Variants in ANKRD26 observed in about 807,000 individuals in gnomAD.
ANKRD26 encodes the protein ankyrin repeat domain-containing protein 26.
Under a neutral mutation model 208.7 loss-of-function variants are expected in ANKRD26, and 141 were observed. The observed-to-expected ratio is 0.68, with a 90% CI of 0.59 to 0.78. ANKRD26 has a LOEUF of 0.78. ANKRD26 is among the 30% of genes least tolerant of loss of function. The pLI is 0.00. For synonymous variants in ANKRD26, 636 were observed against 660.4 expected (o/e 0.96, Z 0.57); for missense variants, 1,889 against 1,938.7 (o/e 0.97, Z 0.48).
chr10:26,972,130 G>C (rs7094976), downstream of ANKRD26, among the ~76,000 whole-genome samples: 7 of 151,692 alleles, frequency 4.6e-5, no homozygotes, highest in South Asian at 2.1e-4. Flanking sequence ...AGCTACTCGG[G>C]AGGCTGAGGC....
At chr10:27,068,029 A>T (rs1329993) in intron 9 of ANKRD26, among the ~76,000 whole-genome samples, 2,920 of 152,308 alleles carry the variant, frequency 0.019, 159 homozygotes, top group East Asian at 0.16. Context: ...AAAAGAGAAC[A>T]GTAAGTTCCA....
intron 3 of ANKRD26, 70 bp downstream of exon 3, chr10:27,093,279 C>T: frequency 6.9e-7 from 1 of 1,440,206 alleles, no homozygotes; most frequent in African/African-American, 1.4e-5. Context: ...AGAAAACTAA[C>T]CCTTACATAT....
rs1329814777 is a variant in ANKRD26 at position 27,100,336 on chromosome 10, G to A, written c.-10C>T. 1.9e-6 allele frequency: 3 copies of A among 1,605,672 alleles called. No individual in the cohort carries two copies. Among genetic ancestry groups the A allele is most frequent in the Middle Eastern group, 2.2e-4 (1 of 4,620 alleles). ...TAAAAATCTTCTTCATGGCCCAGGCGACCGGGCTTCAGAGACACCTCATGT... is the reference window on the plus strand; with the variant it reads ...TAAAAATCTTCTTCATGGCCCAGGCAACCGGGCTTCAGAGACACCTCATGT... On this transcript the variant is annotated 5_prime_UTR_variant, in exon 1 of 34. Coordinates refer to ENST00000376087, the MANE Select transcript of ANKRD26 (RefSeq NM_014915.3).
intron 5 of ANKRD26, among the ~76,000 whole-genome samples, chr10:27,083,478 C>T (rs1226951507): frequency 1.3e-5 from 2 of 152,172 alleles, no homozygotes; most frequent in South Asian, 2.1e-4. Flanking sequence ...AATCCCAGCA[C>T]TTTGGGAGGC....
chr10:27,055,232 T>C (rs1482929995), intron 15 of ANKRD26, among the ~76,000 whole-genome samples: 1 of 152,230 alleles, frequency 6.6e-6, no homozygotes. Context: ...TTAAGTTGTT[T>C]ACTTCATACT....
chr10:27,051,585 T>C (rs2135374454), intron 16 of ANKRD26: 1 of 985,284 alleles, frequency 1.0e-6, no homozygotes, highest in South Asian at 4.7e-5. Context: ...AGTGTCTGGT[T>C]TGTTAACATT....
intron 5 of ANKRD26, chr10:26,994,941 G>A (rs1213235585): frequency 2.5e-6 from 1 of 402,142 alleles, no homozygotes. Context: ...ATCTGCCTTG[G>A]GGAAGAGGAC....
At chr10:27,049,802 C>G (rs2054584378) in intron 16 of ANKRD26, among the ~76,000 whole-genome samples, 1 of 152,102 alleles carries the variant, frequency 6.6e-6, no homozygotes, top group Non-Finnish European at 1.5e-5. Context: ...GATATAACTC[C>G]ATAATGCTGA....
downstream of ANKRD26, among the ~76,000 whole-genome samples, chr10:26,987,961 G>A (rs1160620402): frequency 6.6e-6 from 1 of 152,158 alleles, no homozygotes; most frequent in Non-Finnish European, 1.5e-5. Flanking sequence ...CTAGGTTTCT[G>A]GTCAGTAGCC....
chr10:27,067,299 AAAAC>A lies in ANKRD26; in HGVS notation c.1078-17_1078-14del, dbSNP rs534201866. 136 of 1,611,422 alleles carry A rather than the reference AAAAC, an allele frequency of 8.4e-5. 1 individual carries two copies. In the East Asian group the frequency reaches 2.5e-3, roughly 30 times the overall value. On this transcript the variant is annotated splice_polypyrimidine_tract_variant and intron_variant, in intron 9 of 33. Transcript: ENST00000376087. Reference sequence around the variant, plus strand: ...TTGTTGGTTCTTCCTATTAAAAACAAAAACAAACAAACAAAAAACTTCAGAAAAC... The same window carrying A: ...TTGTTGGTTCTTCCTATTAAAAACAAAAACAAACAAAAAACTTCAGAAAAC...
the ANKRD26 span, among the ~76,000 whole-genome samples, chr10:26,953,729 A>G: frequency 6.6e-6 from 1 of 152,196 alleles, no homozygotes; most frequent in African/African-American, 2.4e-5. Context: ...AGGGGTTAGT[A>G]TGCTTTTGGA....
rs769039255 is a variant in ANKRD26 at position 27,024,453 on chromosome 10, ATCTC to A, written c.4075_4078del (p.Glu1359Ter). 3 of 1,463,296 alleles carry A rather than the reference ATCTC, an allele frequency of 2.1e-6. No homozygotes were observed. The highest frequency in any genetic ancestry group is 1.2e-5 in the South Asian group (1 of 84,800). 90.6% of individuals were successfully genotyped at this position (1,463,296 alleles called of 1,614,324 possible). On this transcript the variant is annotated frameshift_variant, in exon 28 of 34. Coordinates refer to ENST00000376087, the MANE Select transcript of ANKRD26 (RefSeq NM_014915.3). LOFTEE classifies it high-confidence loss of function. ...TGAAATATTAAAATCTTACCCAGTT[ATCTC>A]TCTTTCTAATTCAACATTTTTCTTC...
intron 16 of ANKRD26, chr10:27,052,008 T>A (rs1274472803): frequency 2.0e-6 from 2 of 985,240 alleles, no homozygotes; most frequent in Non-Finnish European, 2.4e-6. Flanking sequence ...TACAGATACA[T>A]CCTCTCTATC....
chr10:27,046,253 T>A (rs1427173333), intron 18 of ANKRD26, 100 bp downstream of exon 18: 2 of 1,186,846 alleles, frequency 1.7e-6, no homozygotes, highest in African/African-American at 3.1e-5. Flanking sequence ...ATGGAAACAG[T>A]CGATATTCTC....
intron 29 of ANKRD26, among the ~76,000 whole-genome samples, chr10:27,018,356 A>T (rs7897003): frequency 6.6e-6 from 1 of 151,722 alleles, no homozygotes; most frequent in African/African-American, 2.4e-5. Flanking sequence ...GGATGGTCTC[A>T]ATCTCCTGAC....
chr10:26,986,693 T>C (rs1432888515), intron 3 of ANKRD26, among the ~76,000 whole-genome samples: 2 of 152,194 alleles, frequency 1.3e-5, no homozygotes, highest in Non-Finnish European at 2.9e-5. Flanking sequence ...TCATCATCAC[T>C]GGCCATCAGA....
intron 31 of ANKRD26, among the ~76,000 whole-genome samples, chr10:27,014,261 T>C (rs549800731): frequency 4.2e-4 from 64 of 150,864 alleles, no homozygotes; most frequent in African/African-American, 1.4e-3. Flanking sequence ...TCCAGTTAAC[T>C]ACCTAAGAAT....
At chr10:26,959,645 T>TC in the ANKRD26 span, among the ~76,000 whole-genome samples, 1 of 150,726 alleles carries the variant, frequency 6.6e-6, no homozygotes, top group Admixed American at 6.6e-5. Flanking sequence ...GAATGCACTT[T>TC]TTTTTTTTTT....
chr10:27,099,570 G>GC (rs908495408), intron 1 of ANKRD26, among the ~76,000 whole-genome samples: 10 of 140,200 alleles, frequency 7.1e-5, no homozygotes, highest in Non-Finnish European at 1.1e-4. Context: ...GTTGGGGGGG[G>GC]GGGTCTCGCT....
Sources: gnomAD v4.1 joint callset for allele counts (sites outside exome capture counted in the v4.1 genomes callset) on GRCh38, gnomAD v4.1.1 for gene constraint, MANE v1.5 for transcripts, NCBI Gene and HGNC (gene_info 2026-07-23, HGNC 2026-07-21) for gene names.